Variants in TMBIM6 observed in about 807,000 individuals in gnomAD.
TMBIM6 encodes the protein transmembrane BAX inhibitor motif containing 6.
Under a neutral mutation model 31.4 loss-of-function variants are expected in TMBIM6, and 13 were observed. The ratio of observed to expected loss-of-function variants is 0.41; its 90% confidence interval spans 0.27 to 0.66. The LOEUF (loss-of-function observed/expected upper bound fraction) is 0.66. Among genes scored for constraint, TMBIM6 ranks in the 30% least tolerant of loss-of-function variants. TMBIM6 has a pLI of 0.28. For missense variants in TMBIM6, 275 were observed against 289.5 expected (o/e 0.95, Z 0.36); for synonymous variants, 85 against 101.7 (o/e 0.84, Z 0.99).
chr12:49,755,403 A>G (rs76569166), intron 3 of TMBIM6, among the ~76,000 whole-genome samples: 2 of 152,310 alleles, frequency 1.3e-5, no homozygotes, highest in East Asian at 1.9e-4. Flanking sequence ...TTGAAGGACT[A>G]CGCAAGCCAG....
chr12:49,745,027 T>C (rs1369361245), intron 1 of TMBIM6, among the ~76,000 whole-genome samples: 1 of 152,156 alleles, frequency 6.6e-6, no homozygotes, highest in African/African-American at 2.4e-5. Flanking sequence ...CTGGAGGAGA[T>C]GGATTCAGTA....
rs554866938 is a variant in TMBIM6 at position 49,755,864 on chromosome 12, C to T, written c.286+109C>T. ...TTTTTTTTTTTTTGAGACAGAGTCT[C>T]GCTCTGTTGCCCAGGCCAGAGTGCA... is the stretch of plus-strand genomic sequence containing the variant. On this transcript the variant is annotated intron_variant, in intron 4 of 9. Transcript: ENST00000267115. The T allele has an allele frequency of 1.4e-3, 1,735 of 1,270,578 alleles. 2 individuals carry two copies. Among genetic ancestry groups the T allele is most frequent in the Non-Finnish European group, 1.7e-3 (1,582 of 940,272 alleles). The allele number at this position is 1,270,578 out of a possible 1,614,324, so 78.7% of individuals were successfully genotyped here. A position where few individuals can be genotyped will look rare whatever the true frequency, so the allele number is the denominator to read the frequency against.
intron 1 of TMBIM6, among the ~76,000 whole-genome samples, chr12:49,751,855 C>G (rs1190584614): frequency 6.6e-6 from 1 of 150,648 alleles, no homozygotes; most frequent in Non-Finnish European, 1.5e-5. Flanking sequence ...CTCTGCCTCC[C>G]AGGTTCAAGC....
chr12:49,755,868 C>G (rs149452112), intron 4 of TMBIM6, 113 bp downstream of exon 4: 1 of 1,264,290 alleles, frequency 7.9e-7, no homozygotes, highest in African/African-American at 1.6e-5. Context: ...GAGTCTCGCT[C>G]TGTTGCCCAG....
intron 1 of TMBIM6, 38 bp from the exon 2 acceptor site, chr12:49,752,426 G>C: frequency 7.5e-7 from 1 of 1,332,848 alleles, no homozygotes; most frequent in Non-Finnish European, 1.0e-6. Flanking sequence ...GTGTGATTCT[G>C]TATGACTTAA....
Position 49,763,686 on chromosome 12 carries a change from AGTTT to A in TMBIM6, c.*794_*797del, listed in dbSNP as rs1302769345. Reference sequence around the variant, plus strand: ...AAACTTGCCCTGTTTTTGTTTTTTTAGTTTGTTATCCCCTTACTGAGCGGCCTCT... The same window carrying A: ...AAACTTGCCCTGTTTTTGTTTTTTTAGTTATCCCCTTACTGAGCGGCCTCT... On this transcript the variant is annotated 3_prime_UTR_variant, in exon 10 of 10. Coordinates refer to ENST00000267115, the MANE Select transcript of TMBIM6 (RefSeq NM_003217.3). 2 of 152,046 alleles carry A rather than the reference AGTTT, an allele frequency of 1.3e-5. No homozygotes were observed. Among genetic ancestry groups the A allele is most frequent in the African/African-American group, 2.4e-5 (1 of 41,402 alleles). 9.4% of individuals were successfully genotyped at this position (152,046 alleles called of 1,614,324 possible).
chr12:49,756,243 C>T (rs987355931), intron 4 of TMBIM6, among the ~76,000 whole-genome samples: 1 of 151,954 alleles, frequency 6.6e-6, no homozygotes, highest in African/African-American at 2.4e-5. Context: ...TCAAGCGATT[C>T]TCCTGCCTCA....
At chr12:49,747,063 C>G (rs962531172) in intron 1 of TMBIM6, among the ~76,000 whole-genome samples, 1 of 152,074 alleles carries the variant, frequency 6.6e-6, no homozygotes, top group African/African-American at 2.4e-5. Flanking sequence ...GTCTCGATCT[C>G]GTGACCTCAG....
At chr12:49,742,123 C>T (rs750678951) in intron 1 of TMBIM6, 2 of 1,608,628 alleles carry the variant, frequency 1.2e-6, no homozygotes, top group East Asian at 4.5e-5. Flanking sequence ...GAGGTAGGGC[C>T]TGGCGGGCGG....
rs1269540554 is a variant in TMBIM6 at position 49,758,209 on chromosome 12, G to C, written c.287-18G>C. 6.2e-7 allele frequency: 1 copy of C among 1,614,008 alleles called. No individual in the cohort carries two copies. Among genetic ancestry groups the C allele is most frequent in the Non-Finnish European group, 8.5e-7 (1 of 1,179,994 alleles). On this transcript the variant is annotated intron_variant, in intron 4 of 9. Transcript: ENST00000267115. ...AGAATTGATCGTAATACTGTGTTCTGGGTTTTCTGTTTTCTAGGAGTTGGC... is the reference window on the plus strand; with the variant it reads ...AGAATTGATCGTAATACTGTGTTCTCGGTTTTCTGTTTTCTAGGAGTTGGC...
chr12:49,746,895 G>T (rs1462713078), intron 1 of TMBIM6, among the ~76,000 whole-genome samples: 1 of 151,602 alleles, frequency 6.6e-6, no homozygotes, highest in Non-Finnish European at 1.5e-5. Flanking sequence ...GAGTGCAGTA[G>T]CGCAATCTCG....
At chr12:49,741,973 C>A (rs79376950) in intron 1 of TMBIM6, 17,238 of 1,076,850 alleles carry the variant, frequency 0.016, 265 homozygotes, top group East Asian at 0.061. Context: ...GGCCCCTTGG[C>A]CTAGCTTCGA....
At chr12:49,760,835 C>G (rs1428933568) in intron 8 of TMBIM6, among the ~76,000 whole-genome samples, 1 of 151,790 alleles carries the variant, frequency 6.6e-6, no homozygotes, top group Non-Finnish European at 1.5e-5. Context: ...GGCCACCATG[C>G]CCAGCTCACT....
At chr12:49,742,274 T>C in intron 1 of TMBIM6, 1 of 1,596,454 alleles carries the variant, frequency 6.3e-7, no homozygotes, top group Non-Finnish European at 8.5e-7. Flanking sequence ...TGGTTACCTT[T>C]GGGCAGGTGA....
chr12:49,752,446 C>A lies in TMBIM6; in HGVS notation c.-30-18C>A. 2 of 1,577,782 alleles carry A rather than the reference C, an allele frequency of 1.3e-6. No homozygotes were observed. Among genetic ancestry groups the A allele is most frequent in the Middle Eastern group, 1.7e-4 (1 of 5,958 alleles). On this transcript the variant is annotated intron_variant, in intron 1 of 9. Coordinates refer to ENST00000267115, the MANE Select transcript of TMBIM6 (RefSeq NM_003217.3). ...ATTCTGTATGACTTAATGACTCTAA[C>A]CTTTCTTTATTCTGCAGAGTGGAGA...
chr12:49,751,345 T>C (rs1945490670), intron 1 of TMBIM6, among the ~76,000 whole-genome samples: 1 of 152,136 alleles, frequency 6.6e-6, no homozygotes, highest in Admixed American at 6.6e-5. Flanking sequence ...GCACTGTGTC[T>C]GTATGGTTAG....
chr12:49,755,962 T>A (rs969782240), intron 4 of TMBIM6, among the ~76,000 whole-genome samples: 1 of 151,524 alleles, frequency 6.6e-6, no homozygotes, highest in Non-Finnish European at 1.5e-5. Context: ...GCCTCCCGTG[T>A]AGGTGGGACC....
chr12:49,742,023 C>A, intron 1 of TMBIM6: 2 of 1,456,928 alleles, frequency 1.4e-6, no homozygotes, highest in Non-Finnish European at 1.8e-6. Flanking sequence ...GGTGAAGGAA[C>A]GCGAAACTCC....
At chr12:49,754,335 A>C (rs896463943) in intron 3 of TMBIM6, among the ~76,000 whole-genome samples, 1 of 152,206 alleles carries the variant, frequency 6.6e-6, no homozygotes, top group African/African-American at 2.4e-5. Flanking sequence ...AGTGCTGTCT[A>C]GTATTCCTGA....
Sources: gnomAD v4.1 joint callset for allele counts (sites outside exome capture counted in the v4.1 genomes callset) on GRCh38, gnomAD v4.1.1 for gene constraint, MANE v1.5 for transcripts, NCBI Gene and HGNC (gene_info 2026-07-23, HGNC 2026-07-21) for gene names.